Variants in ACAN observed in about 807,000 individuals in gnomAD.
The protein encoded by ACAN is aggrecan core protein.
A neutral mutation model predicts 169.1 loss-of-function variants in ACAN; 47 were observed. That is an observed-to-expected ratio of 0.28 (90% CI 0.22 to 0.35). The LOEUF (loss-of-function observed/expected upper bound fraction) is 0.35, where lower values mean the gene tolerates loss of function less well. ACAN is among the 10% of genes least tolerant of loss of function. The pLI, the probability that ACAN is intolerant of heterozygous loss-of-function variation, is 1.00. For synonymous variants in ACAN, 1,115 were observed against 1,112.2 expected, an observed-to-expected ratio of 1.00 and a Z score of -0.05; for missense variants, 2,716 against 2,759.9, an observed-to-expected ratio of 0.98 and a Z score of 0.36.
At position 88,839,084 on chromosome 15, in the gene ACAN, A is replaced by T. The variant is rs976714706; in HGVS notation, c.454+38A>T. 6.3e-7 allele frequency: 1 copy of T among 1,591,864 alleles called. No homozygotes were observed. The highest frequency in any genetic ancestry group is 8.5e-7 in the Non-Finnish European group (1 of 1,175,856). ...CACAGGGACAGACGCTGCTTCACCC[A>T]CATAAAGAACCAGAGCAGTCTCCGC... On this transcript the variant is annotated intron_variant, in intron 3 of 18. Transcript: ENST00000560601. This position sits in a 1 kb window ranked among gnomAD's most constrained non-coding sequence, Gnocchi z 4.5.
At position 88,849,318 on chromosome 15, in the gene ACAN, G is replaced by T; in HGVS notation, c.1733-120G>T. 9.9e-7 allele frequency: 1 copy of T among 1,009,464 alleles called. No individual in the cohort carries two copies. Among genetic ancestry groups the T allele is most frequent in the Non-Finnish European group, 1.4e-6 (1 of 714,770 alleles). 62.5% of individuals were successfully genotyped at this position (1,009,464 alleles called of 1,614,324 possible). A position where few individuals can be genotyped will look rare whatever the true frequency, so the allele number is the denominator to read the frequency against. ...GGGAGTGGTCAAAAAAGGGGTGATG[G>T]AGCTGGGCTGGGTCTTAGCCCTGGT... On this transcript the variant is annotated intron_variant, in intron 9 of 18. Coordinates refer to ENST00000560601, the MANE Select transcript of ACAN (RefSeq NM_001369268.1). The surrounding 1 kb of genome is among the most constrained non-coding windows in gnomAD (Gnocchi z 5.1).
intron 1 of ACAN, among the ~76,000 whole-genome samples, chr15:88,806,564 G>C (rs1307538697): frequency 6.6e-6 from 1 of 152,076 alleles, no homozygotes; most frequent in African/African-American, 2.4e-5. Flanking sequence ...TGGCCAGGCT[G>C]GTCTCGAACT....
intron 4 of ACAN, among the ~76,000 whole-genome samples, 179 bp downstream of exon 4, chr15:88,840,365 A>G (rs1311630323): frequency 1.3e-5 from 2 of 151,984 alleles, no homozygotes; most frequent in Admixed American, 6.6e-5. Flanking sequence ...CCCATCCCAA[A>G]CCCTTGTTAT....
rs1897183635 is a variant in ACAN, at chr15:88,861,024, T to C, written c.6946+585T>C. Among the ~76,000 whole-genome samples, 1 of 152,152 alleles carries C rather than the reference T, an allele frequency of 6.6e-6. No individual in the cohort carries two copies. Among genetic ancestry groups the C allele is most frequent in the Non-Finnish European group, 1.5e-5 (1 of 68,018 alleles). The stretch of plus-strand genomic sequence containing the variant: ...CCATGAGCCTGTTTGTCCTTAGCTA[T>C]GGGTGAAGCAGCCTGTGGGATGGGT... On this transcript the variant is annotated intron_variant, in intron 13 of 18. Transcript: ENST00000560601. The surrounding 1 kb of genome is among the most constrained non-coding windows in gnomAD (Gnocchi z 6.3).
chr15:88,858,581 C>T lies in ACAN; in HGVS notation c.5996C>T (p.Pro1999Leu). 2 of 1,613,862 alleles carry T rather than the reference C, an allele frequency of 1.2e-6. No homozygotes were observed. The highest frequency in any genetic ancestry group is 1.3e-5 in the African/African-American group (1 of 75,052). Reference sequence around the variant, plus strand: ...CTGATAGAGCCCAGCGGAGAGCCACCAGGTACTCCATATTTTAGTGGGGAT... The same window carrying T: ...CTGATAGAGCCCAGCGGAGAGCCACTAGGTACTCCATATTTTAGTGGGGAT... The part of the protein sequence containing the change: ...SGLIEPSGEP[P>L]GTPYFSGDFA... The change falls in exon 12 of 19, where the codon CCA becomes CTA. Residue 1999 changes from proline (P) to leucine (L), a missense_variant. Pro to Leu is a moderately conservative substitution (Grantham distance 98). Transcript: ENST00000560601. This position sits in a 1 kb window ranked among gnomAD's most constrained non-coding sequence, Gnocchi z 4.0.
intron 1 of ACAN, among the ~76,000 whole-genome samples, chr15:88,829,196 T>C (rs143124101): frequency 1.3e-5 from 2 of 152,292 alleles, no homozygotes; most frequent in Non-Finnish European, 2.9e-5. Flanking sequence ...AGACAAGGTG[T>C]TGAAGAAGGT....
At chr15:88,819,304 T>A (rs1340139096) in intron 1 of ACAN, among the ~76,000 whole-genome samples, 1 of 152,190 alleles carries the variant, frequency 6.6e-6, no homozygotes. Context: ...TTTGAGGGGC[T>A]TAGGGAGCAA....
chr15:88,863,164 A>C (rs1260742045), intron 13 of ACAN, among the ~76,000 whole-genome samples: 2 of 152,194 alleles, frequency 1.3e-5, no homozygotes, highest in Non-Finnish European at 2.9e-5. Context: ...AAAAATTGAC[A>C]ATTACTGTCA....
Position 88,851,629 on chromosome 15 carries a change from T to C in ACAN, c.2027-165T>C. On this transcript the variant is annotated intron_variant, in intron 10 of 18. Transcript: ENST00000560601. The surrounding 1 kb of genome is among the most constrained non-coding windows in gnomAD (Gnocchi z 4.3). ...ATGGTGCATATGGATATTATATCAT[T>C]GGTGCCGATGGCTCTTACTAAGCGA... 2 of 720,690 alleles carry C rather than the reference T, an allele frequency of 2.8e-6. No homozygotes were observed. The highest frequency in any genetic ancestry group is 4.4e-6 in the Non-Finnish European group (2 of 451,192). 44.6% of individuals were successfully genotyped at this position (720,690 alleles called of 1,614,324 possible).
At chr15:88,810,761 A>G (rs1386925553) in intron 1 of ACAN, among the ~76,000 whole-genome samples, 2 of 152,192 alleles carry the variant, frequency 1.3e-5, no homozygotes, top group Non-Finnish European at 2.9e-5. Flanking sequence ...CTGAAGCCCT[A>G]ATGTGCTCCA....
At position 88,814,903 on chromosome 15, in the gene ACAN, T is replaced by A. The variant is rs1401140317; in HGVS notation, c.-8+11094T>A. Among the ~76,000 whole-genome samples, 1 of 152,018 alleles carries A rather than the reference T, an allele frequency of 6.6e-6. No individual in the cohort carries two copies. Among genetic ancestry groups the A allele is most frequent in the South Asian group, 2.1e-4 (1 of 4,816 alleles). On this transcript the variant is annotated intron_variant, in intron 1 of 18. Transcript: ENST00000560601. The surrounding 1 kb of genome is among the most constrained non-coding windows in gnomAD (Gnocchi z 4.0). Reference sequence around the variant, plus strand: ...ATCCCCTGTCCTCCTCTCCTGGGACTAGGGAGTGGGGAATCCTAAATGTAC... The same window carrying A: ...ATCCCCTGTCCTCCTCTCCTGGGACAAGGGAGTGGGGAATCCTAAATGTAC...
chr15:88,871,895 C>T lies in ACAN; in HGVS notation c.7220-108C>T. ...AAGCACGTGCCTTGCTCCTAGGAGC[C>T]CACCCACCTCCTTTCCTCCTCCATC... is the stretch of plus-strand genomic sequence containing the variant. On this transcript the variant is annotated intron_variant, in intron 15 of 18. Transcript: ENST00000560601. This position sits in a 1 kb window ranked among gnomAD's most constrained non-coding sequence, Gnocchi z 7.8. 2.0e-6 allele frequency: 2 copies of T among 1,022,824 alleles called. No homozygotes were observed. The highest frequency in any genetic ancestry group is 3.1e-6 in the Non-Finnish European group (2 of 650,100). The allele number at this position is 1,022,824 out of a possible 1,614,324, so 63.4% of individuals were successfully genotyped here.
Position 88,841,715 on chromosome 15 carries a change from C to T in ACAN, c.630-25C>T, listed in dbSNP as rs577912483. The T allele has an allele frequency of 6.2e-6, 10 of 1,613,606 alleles. No individual in the cohort carries two copies. In the African/African-American group the frequency reaches 1.3e-4, roughly 22 times the overall value. On this transcript the variant is annotated intron_variant, in intron 4 of 18. Transcript: ENST00000560601. ...GCTTCCCTTTGTCCCCTGAGTGTCACACCTCCATTTCGGGTTCCTGGCAGA... is the reference window on the plus strand; with the variant it reads ...GCTTCCCTTTGTCCCCTGAGTGTCATACCTCCATTTCGGGTTCCTGGCAGA...
chr15:88,844,834 G>A (rs183587956), intron 6 of ACAN, among the ~76,000 whole-genome samples: 1 of 152,328 alleles, frequency 6.6e-6, no homozygotes, highest in African/African-American at 2.4e-5. Context: ...TGCCTCACAT[G>A]AATGAGGAGT....
intron 1 of ACAN, among the ~76,000 whole-genome samples, chr15:88,818,949 A>G (rs1896008006): frequency 6.6e-6 from 1 of 152,248 alleles, no homozygotes; most frequent in East Asian, 1.9e-4. Flanking sequence ...AGGAGAAAAC[A>G]TAATCAATTT....
intron 1 of ACAN, among the ~76,000 whole-genome samples, chr15:88,824,413 C>T (rs552242778): frequency 1.1e-4 from 16 of 152,070 alleles, no homozygotes; most frequent in Non-Finnish European, 2.1e-4. Context: ...TAAGAGAATT[C>T]ATTCATTCAA....
chr15:88,810,325 G>A (rs555627383), intron 1 of ACAN, among the ~76,000 whole-genome samples: 4 of 152,146 alleles, frequency 2.6e-5, no homozygotes, highest in African/African-American at 9.6e-5. Flanking sequence ...GTCCCTCCAT[G>A]TCCTCGCTGT....
chr15:88,860,528 A>C (rs1353885332), intron 13 of ACAN, 89 bp downstream of exon 13: 5 of 1,110,082 alleles, frequency 4.5e-6, no homozygotes, highest in Non-Finnish European at 5.3e-6. Flanking sequence ...GGGAGGAGGC[A>C]ACCAAGGTCC....
At position 88,874,382 on chromosome 15, in the gene ACAN, T is replaced by C; in HGVS notation, c.7631-23T>C. 4 of 1,579,542 alleles carry C rather than the reference T, an allele frequency of 2.5e-6. No individual in the cohort carries two copies. Among genetic ancestry groups the C allele is most frequent in the Admixed American group, 1.8e-5 (1 of 55,458 alleles). On this transcript the variant is annotated intron_variant, in intron 18 of 18. Transcript: ENST00000560601. This position sits in a 1 kb window ranked among gnomAD's most constrained non-coding sequence, Gnocchi z 7.3. The stretch of plus-strand genomic sequence containing the variant: ...CTTTCTTTCCAGGTCCACTGATATC[T>C]TTCCATCTCCCTTTCGTCCTAGCCA...
Sources: gnomAD v4.1 joint callset for allele counts (sites outside exome capture counted in the v4.1 genomes callset) on GRCh38, gnomAD v4.1.1 for gene constraint, Gnocchi (gnomAD v3.1) non-coding constraint, MANE v1.5 for transcripts, NCBI Gene and HGNC (gene_info 2026-07-23, HGNC 2026-07-21) for gene names.